Variants in DDX6 observed in about 807,000 individuals in gnomAD.
The protein encoded by DDX6 is probable ATP-dependent RNA helicase DDX6.
In DDX6, 7 loss-of-function variants were observed where a neutral mutation model predicts 60.6. The ratio of observed to expected loss-of-function variants is 0.12; its 90% confidence interval spans 0.07 to 0.22. DDX6 has a LOEUF of 0.22. Ranked by LOEUF, DDX6 falls within the 10% of genes least tolerant of loss-of-function variation. The pLI is 1.00. For synonymous variants in DDX6, 207 were observed against 201.0 expected, an observed-to-expected ratio of 1.03 and a Z score of -0.25; for missense variants, 270 against 589.9, an observed-to-expected ratio of 0.46 and a Z score of 5.62.
chr11:118,756,176 G>A (rs1555158886), intron 11 of DDX6, 84 bp downstream of exon 11: 3 of 1,040,556 alleles, frequency 2.9e-6, no homozygotes, highest in Admixed American at 3.8e-5. Context: ...CTATGTCACA[G>A]GTTGCACTAT....
At position 118,754,850 on chromosome 11, in the gene DDX6, G is replaced by C; in HGVS notation, c.1314C>G (p.Ile438Met). ...FGHLGLAINL[I>M]TYDDRFNLKS... ...TCAGGTTGAAGCGATCATCATATGT[G>C]ATCAAGTTGATGGCTAAGCCAAGAT... Residue 438 changes from isoleucine to methionine, a missense_variant, in exon 13 of 14, where the codon ATC becomes ATG. Coordinates refer to ENST00000534980, the MANE Select transcript of DDX6 (RefSeq NM_004397.6). The C allele has an allele frequency of 6.2e-7, 1 of 1,611,162 alleles. No homozygotes were observed. The highest frequency in any genetic ancestry group is 8.5e-7 in the Non-Finnish European group (1 of 1,179,248).
chr11:118,759,893 A>G, intron 8 of DDX6, 29 bp downstream of exon 8: 1 of 1,603,448 alleles, frequency 6.2e-7, no homozygotes, highest in East Asian at 2.2e-5. Context: ...ACAGGATGGC[A>G]CTGATTCCAA....
In DDX6 at chr11:118,758,741, G is replaced by C. The variant is rs1565562410; in HGVS notation, c.993+33C>G. 3.1e-6 allele frequency: 5 copies of C among 1,610,626 alleles called. No individual in the cohort carries two copies. In the South Asian group the frequency reaches 4.4e-5, roughly 14 times the overall value. ...TCATCTGTTTTACTGGGACTCGAGA[G>C]ATAATATTCAACAGCAGAAGCCTAC... On this transcript the variant is annotated intron_variant, in intron 9 of 13. Transcript: ENST00000534980.
Position 118,747,878 on chromosome 11 carries a change from T to C in DDX6, c.*4227A>G, listed in dbSNP as rs1591870892. 1 of 135,714 alleles carries C rather than the reference T, an allele frequency of 7.4e-6. No homozygotes were observed. Among genetic ancestry groups the C allele is most frequent in the Middle Eastern group, 3.8e-3 (1 of 260 alleles). The allele number at this position is 135,714 out of a possible 1,614,324, so 8.4% of individuals were successfully genotyped here. A position where few individuals can be genotyped will look rare whatever the true frequency, so the allele number is the denominator to read the frequency against. ...GGTCCATATATGCGTACATACAACA[T>C]AACACATCCCAACAAAAACAGAGCC... On this transcript the variant is annotated 3_prime_UTR_variant, in exon 14 of 14. Coordinates refer to ENST00000534980, the MANE Select transcript of DDX6 (RefSeq NM_004397.6).
At chr11:118,772,867 C>T (rs117714850) in intron 4 of DDX6, among the ~76,000 whole-genome samples, 205 of 152,334 alleles carry the variant, frequency 1.3e-3, no homozygotes, top group Non-Finnish European at 2.4e-3. Context: ...CCTGTCCCAA[C>T]AGACCAAGCC....
intron 4 of DDX6, among the ~76,000 whole-genome samples, chr11:118,775,855 G>C (rs1861680238): frequency 6.6e-6 from 1 of 152,208 alleles, no homozygotes; most frequent in Non-Finnish European, 1.5e-5. Flanking sequence ...ACTGGGCTAA[G>C]TGCAGTGGTT....
intron 7 of DDX6, among the ~76,000 whole-genome samples, chr11:118,760,826 A>C (rs1162251240): frequency 4.5e-4 from 65 of 145,578 alleles, no homozygotes; most frequent in Non-Finnish European, 6.4e-4. Flanking sequence ...TCCGTCTCAA[A>C]AAAAAAAAAA....
At chr11:118,788,161 A>C (rs1862141526) in intron 1 of DDX6, 1 of 152,068 alleles carries the variant, frequency 6.6e-6, no homozygotes, top group African/African-American at 2.4e-5. Flanking sequence ...TACAAAAATT[A>C]ACTGGGCGTG....
At position 118,759,239 on chromosome 11, in the gene DDX6, T is replaced by C. The variant is rs534202185; in HGVS notation, c.865-337A>G. 6 of 183,724 alleles carry C rather than the reference T, an allele frequency of 3.3e-5. No homozygotes were observed. In the East Asian group the frequency reaches 9.6e-4, roughly 29 times the overall value. 11.4% of individuals were successfully genotyped at this position (183,724 alleles called of 1,614,324 possible). On this transcript the variant is annotated intron_variant, in intron 8 of 13. Coordinates refer to ENST00000534980, the MANE Select transcript of DDX6 (RefSeq NM_004397.6). Reference sequence around the variant, plus strand: ...CATAACAGACTAATTTTTGTATTTTTAGTAGAGACGGGGTTTCACCATGTT... The same window carrying C: ...CATAACAGACTAATTTTTGTATTTTCAGTAGAGACGGGGTTTCACCATGTT...
intron 1 of DDX6, chr11:118,788,972 T>C (rs923452259): frequency 6.6e-6 from 1 of 151,828 alleles, no homozygotes; most frequent in African/African-American, 2.4e-5. Flanking sequence ...AGAGCCACCG[T>C]GCCCGGCTGA....
At chr11:118,756,477 T>C (rs559920784) in intron 10 of DDX6, among the ~76,000 whole-genome samples, 154 bp from the exon 11 acceptor site, 3 of 152,364 alleles carry the variant, frequency 2.0e-5, no homozygotes, top group South Asian at 4.1e-4. Context: ...AGTTAAGTTC[T>C]TGATATCTTC....
At position 118,751,056 on chromosome 11, in the gene DDX6, T is replaced by C. The variant is rs12280061; in HGVS notation, c.*1049A>G. On this transcript the variant is annotated 3_prime_UTR_variant, in exon 14 of 14. Transcript: ENST00000534980. ...CCAGCAACCTTCATCCAAAAAAAAA[T>C]ATATATATATGTATATATATATATA... The C allele has an allele frequency of 7.5e-6, 1 of 132,734 alleles. No individual in the cohort carries two copies. The highest frequency in any genetic ancestry group is 1.6e-5 in the Non-Finnish European group (1 of 61,436). The allele number at this position is 132,734 out of a possible 1,614,324, so 8.2% of individuals were successfully genotyped here. A position where few individuals can be genotyped will look rare whatever the true frequency, so the allele number is the denominator to read the frequency against.
In DDX6 at chr11:118,753,553, T is replaced by C. The variant is rs371317197; in HGVS notation, c.*7+1152A>G. Among the ~76,000 whole-genome samples the C allele has an allele frequency of 1.1e-3, 170 of 149,044 alleles. 1 individual carries two copies. The highest frequency in any genetic ancestry group is 3.7e-3 in the African/African-American group (148 of 40,330). On this transcript the variant is annotated intron_variant, in intron 13 of 13. Transcript: ENST00000534980. ...CAGGGTTTCACCATGTTGGCCAGGA[T>C]GGTCTCGATCTCTTGACCTCGTGAT...
At chr11:118,755,569 CAT>C (rs1173854560) in intron 11 of DDX6, 66 bp from the exon 12 acceptor site, 4 of 863,046 alleles carry the variant, frequency 4.6e-6, no homozygotes, top group Admixed American at 4.0e-5. Flanking sequence ...AATACTAACA[CAT>C]ATTTCTAGCA....
In DDX6 at chr11:118,756,510, C is replaced by T. The variant is rs78152662; in HGVS notation, c.1111-187G>A. 7.6e-3 allele frequency among the ~76,000 whole-genome samples: 1,158 copies of T among 152,144 alleles called. 73 individuals carry two copies. The East Asian group carries it at 0.14, about 18-fold the overall frequency. On this transcript the variant is annotated intron_variant, in intron 10 of 13. Transcript: ENST00000534980. ...TTCGTCTACAGAAACTGTTTACTTA[C>T]GAAATTTCATAATGTAGTTAACAAA...
rs1860683297 is a variant in DDX6, at chr11:118,749,590, G to A, written c.*2515C>T. ...CTTTAAGAGGGACCCACAGGCATGT[G>A]GCACCACGCAGTCTAAAGTTGGTGA... On this transcript the variant is annotated 3_prime_UTR_variant, in exon 14 of 14. Coordinates refer to ENST00000534980, the MANE Select transcript of DDX6 (RefSeq NM_004397.6). 6.6e-6 allele frequency: 1 copy of A among 152,586 alleles called. No individual in the cohort carries two copies. The highest frequency in any genetic ancestry group is 2.4e-5 in the African/African-American group (1 of 41,434). 9.5% of individuals were successfully genotyped at this position (152,586 alleles called of 1,614,324 possible). A position where few individuals can be genotyped will look rare whatever the true frequency, so the allele number is the denominator to read the frequency against.
intron 1 of DDX6, chr11:118,787,653 T>C (rs947482369): frequency 2.6e-5 from 4 of 152,060 alleles, no homozygotes; most frequent in Non-Finnish European, 5.9e-5. Flanking sequence ...ACAAAAAACT[T>C]TAAGAAGAAA....
At chr11:118,773,613 T>G (rs1340281172) in intron 4 of DDX6, among the ~76,000 whole-genome samples, 1 of 151,728 alleles carries the variant, frequency 6.6e-6, no homozygotes, top group African/African-American at 2.4e-5. Flanking sequence ...CTATGGTTAC[T>G]CCAGACGAGG....
At chr11:118,776,332 G>C (rs1555163601) in intron 4 of DDX6, among the ~76,000 whole-genome samples, 1 of 151,986 alleles carries the variant, frequency 6.6e-6, no homozygotes, top group East Asian at 1.9e-4. Context: ...AATTATATAG[G>C]TCAGGAGTCT....
Sources: allele counts gnomAD v4.1 joint callset (sites outside exome capture counted in the v4.1 genomes callset), GRCh38; gene constraint gnomAD v4.1.1; transcripts MANE v1.5; gene names NCBI Gene and HGNC (gene_info 2026-07-23, HGNC 2026-07-21).